The following CPA6 variants were observed in gnomAD, a reference collection of about 807,000 sequenced individuals.
The protein encoded by CPA6 is carboxypeptidase A6.
Under a neutral mutation model 63.3 loss-of-function variants are expected in CPA6, and 58 were observed. That is an observed-to-expected ratio of 0.92 (90% confidence interval 0.74 to 1.14). CPA6 has a LOEUF of 1.14. CPA6 is among the 50% of genes most tolerant of loss of function. The pLI, the probability that CPA6 is intolerant of heterozygous loss-of-function variation, is 0.00. For missense variants in CPA6, 565 were observed against 526.6 expected, an observed-to-expected ratio of 1.07 and a Z score of -0.71; for synonymous variants, 185 against 179.0, an observed-to-expected ratio of 1.03 and a Z score of -0.27.
chr8:67,425,975 C>A (rs1174902977), intron 10 of CPA6, among the ~76,000 whole-genome samples: 5 of 151,508 alleles, frequency 3.3e-5, no homozygotes, highest in African/African-American at 9.7e-5. Flanking sequence ...TGGCTCACTG[C>A]AATCTCTGCT....
chr8:67,541,478 T>C (rs1812702718), intron 2 of CPA6, among the ~76,000 whole-genome samples: 1 of 152,060 alleles, frequency 6.6e-6, no homozygotes, highest in African/African-American at 2.4e-5. Context: ...CCTGTTCTGT[T>C]CCGTTCTGAT....
chr8:67,731,469 C>T (rs1414778605), intron 1 of CPA6, among the ~76,000 whole-genome samples: 1 of 152,248 alleles, frequency 6.6e-6, no homozygotes, highest in South Asian at 2.1e-4. Context: ...TTCACACCAC[C>T]TCTGTCTGAA....
chr8:67,503,603 C>A (rs1811872892), intron 6 of CPA6, among the ~76,000 whole-genome samples: 3 of 151,900 alleles, frequency 2.0e-5, no homozygotes. Flanking sequence ...CCACCATGCC[C>A]AGCTTGATTT....
chr8:67,518,790 C>T (rs772868126), intron 2 of CPA6, among the ~76,000 whole-genome samples: 3 of 152,188 alleles, frequency 2.0e-5, no homozygotes, highest in African/African-American at 2.4e-5. Flanking sequence ...GGATTACATA[C>T]GTGAGCCACG....
At chr8:67,700,508 G>A (rs1267862464) in intron 1 of CPA6, among the ~76,000 whole-genome samples, 1 of 116,390 alleles carries the variant, frequency 8.6e-6, no homozygotes, top group Non-Finnish European at 1.7e-5. Context: ...TAATTCTTTT[G>A]GTATTTTGGG....
intron 2 of CPA6, among the ~76,000 whole-genome samples, chr8:67,604,834 A>G (rs1814587462): frequency 1.3e-5 from 2 of 152,056 alleles, no homozygotes; most frequent in South Asian, 4.2e-4. Context: ...CTGGAGTGCA[A>G]TGGTGCGGTC....
chr8:67,528,715 C>T lies in CPA6; in HGVS notation c.193-10668G>A, dbSNP rs187800373. On this transcript the variant is annotated intron_variant, in intron 2 of 10. Transcript: ENST00000297770. ...TGGCATTTCAGCCTCTCTGTAATGC[C>T]CCATCCTGAGTGTCAGCTGACCTCA... Among the ~76,000 whole-genome samples, 495 of 152,058 alleles carry T rather than the reference C, an allele frequency of 3.3e-3. 3 individuals carry two copies. The highest frequency in any genetic ancestry group is 6.7e-3 in the Admixed American group (103 of 15,284).
chr8:67,450,606 A>C (rs148833879), intron 8 of CPA6, among the ~76,000 whole-genome samples: 2 of 152,352 alleles, frequency 1.3e-5, no homozygotes, highest in Non-Finnish European at 2.9e-5. Flanking sequence ...TTTTGTACTG[A>C]AAACAGGACC....
At chr8:67,665,386 T>C (rs906505942) in intron 1 of CPA6, among the ~76,000 whole-genome samples, 1 of 152,176 alleles carries the variant, frequency 6.6e-6, no homozygotes, top group African/African-American at 2.4e-5. Flanking sequence ...TTGAGTAGTA[T>C]GACTCCAACA....
intron 8 of CPA6, among the ~76,000 whole-genome samples, chr8:67,434,458 G>C (rs7837952): frequency 0.34 from 51,036 of 152,178 alleles, 13,087 homozygotes; most frequent in African/African-American, 0.73. Context: ...AAACCAGGTA[G>C]TGATTTTTCA....
chr8:67,458,859 T>C (rs1477209963), intron 8 of CPA6, among the ~76,000 whole-genome samples: 1 of 152,182 alleles, frequency 6.6e-6, no homozygotes, highest in African/African-American at 2.4e-5. Flanking sequence ...ACACACCAAT[T>C]TGAGTGGTCA....
Position 67,616,431 on chromosome 8 carries a change from GT to G in CPA6, c.192+7744del, listed in dbSNP as rs754199839. ...GATGATCAGGGCCAGAACTATAGAA[GT>G]GGCCTTAAGACTGCAGAGGAGAAGT... On this transcript the variant is annotated intron_variant, in intron 2 of 10. Coordinates refer to ENST00000297770, the MANE Select transcript of CPA6 (RefSeq NM_020361.5). Among the ~76,000 whole-genome samples, 10 of 151,790 alleles carry G rather than the reference GT, an allele frequency of 6.6e-5. No homozygotes were observed. In the East Asian group the frequency reaches 7.8e-4, roughly 12 times the overall value.
intron 1 of CPA6, among the ~76,000 whole-genome samples, chr8:67,707,269 A>G (rs1172770384): frequency 1.3e-5 from 2 of 152,220 alleles, no homozygotes; most frequent in Non-Finnish European, 2.9e-5. Context: ...TACCAAGAAG[A>G]ACAGGAGTTA....
chr8:67,548,467 G>T (rs1211983843), intron 2 of CPA6, among the ~76,000 whole-genome samples: 2 of 151,774 alleles, frequency 1.3e-5, no homozygotes, highest in Non-Finnish European at 2.9e-5. Context: ...ATGTTGGCCA[G>T]GCTGGTCTTT....
chr8:67,597,285 G>A (rs569617735), intron 2 of CPA6, among the ~76,000 whole-genome samples: 23 of 145,134 alleles, frequency 1.6e-4, no homozygotes, highest in South Asian at 6.7e-4. Flanking sequence ...TGCAAACTCC[G>A]CCTCCCAGGT....
intron 1 of CPA6, among the ~76,000 whole-genome samples, chr8:67,638,096 C>G (rs1307549706): frequency 6.6e-6 from 1 of 151,166 alleles, no homozygotes; most frequent in Non-Finnish European, 1.5e-5. Flanking sequence ...ATGCCCAACA[C>G]AATGAGTGAA....
Position 67,666,107 on chromosome 8 carries a change from A to G in CPA6, c.117-41856T>C, listed in dbSNP as rs933387554. On this transcript the variant is annotated intron_variant, in intron 1 of 10. Coordinates refer to ENST00000297770, the MANE Select transcript of CPA6 (RefSeq NM_020361.5). ...ACTGTTCCTTCTGGTAGGATGGCAG[A>G]CTTCACTCACCTGTAAAGAACTGAG... Among the ~76,000 whole-genome samples, 7 of 152,198 alleles carry G rather than the reference A, an allele frequency of 4.6e-5. No homozygotes were observed. In the East Asian group the frequency reaches 1.3e-3, roughly 29 times the overall value.
chr8:67,684,856 C>T (rs532045008), intron 1 of CPA6, among the ~76,000 whole-genome samples: 8 of 152,276 alleles, frequency 5.3e-5, no homozygotes, highest in Non-Finnish European at 7.4e-5. Flanking sequence ...TGAGGTCTGA[C>T]CACCCGGGCC....
intron 1 of CPA6, among the ~76,000 whole-genome samples, chr8:67,723,641 T>C (rs989107485): frequency 2.6e-5 from 4 of 152,220 alleles, no homozygotes; most frequent in African/African-American, 9.6e-5. Context: ...TGCATTTCCT[T>C]GTGAGTGAAA....
Sources: allele counts gnomAD v4.1 joint callset (sites outside exome capture counted in the v4.1 genomes callset), GRCh38; gene constraint gnomAD v4.1.1; transcripts MANE v1.5; gene names NCBI Gene and HGNC (gene_info 2026-07-23, HGNC 2026-07-21).